CPSF2: variants seen among roughly 807,000 people sequenced by gnomAD.
CPSF2 encodes the protein cleavage and polyadenylation specificity factor subunit 2.
In CPSF2, 51 loss-of-function variants were observed where a neutral mutation model predicts 84.2. That is an observed-to-expected ratio of 0.61 (90% confidence interval 0.48 to 0.77). The LOEUF (loss-of-function observed/expected upper bound fraction) is 0.77, where lower values mean the gene tolerates loss of function less well. Among genes scored for constraint, CPSF2 ranks in the 30% least tolerant of loss-of-function variants. CPSF2 has a pLI of 0.00. For missense variants in CPSF2, 641 were observed against 929.4 expected, an observed-to-expected ratio of 0.69 and a Z score of 4.03; for synonymous variants, 286 against 311.9, an observed-to-expected ratio of 0.92 and a Z score of 0.87.
At position 92,155,157 on chromosome 14, in the gene CPSF2, G is replaced by C. The variant is rs754653520; in HGVS notation, c.1276G>C (p.Glu426Gln). 1 of 1,613,926 alleles carries C rather than the reference G, an allele frequency of 6.2e-7. No individual in the cohort carries two copies. Among genetic ancestry groups the C allele is most frequent in the Non-Finnish European group, 8.5e-7 (1 of 1,179,862 alleles). ...AGATTCCAGTGATGAGAGTGATATT[G>C]AGGAAGATATTGACCAGCCATCAGC... ...DIDSSDESDI[E>Q]EDIDQPSAHK... The change falls in exon 11 of 16, where the codon GAG becomes CAG. Residue 426 changes from glutamate to glutamine, a missense_variant. Physicochemically the swap from Glu to Gln is conservative, Grantham distance 29. This residue lies in a region of CPSF2 where 430 missense variants were observed against 553.6 expected (regional missense o/e 0.78). Transcript: ENST00000298875.
chr14:92,128,669 A>G (rs979812375), intron 2 of CPSF2, among the ~76,000 whole-genome samples: 6 of 152,188 alleles, frequency 3.9e-5, no homozygotes, highest in Non-Finnish European at 8.8e-5. Flanking sequence ...GGACCTGAGT[A>G]AAAACAGGAG....
At chr14:92,152,186 A>G (rs1455044521) in intron 9 of CPSF2, among the ~76,000 whole-genome samples, 7 of 151,980 alleles carry the variant, frequency 4.6e-5, no homozygotes, top group South Asian at 2.1e-4. Context: ...CTGGAGCGCA[A>G]TGGTGCCATC....
chr14:92,166,791 C>G lies in CPSF2; in HGVS notation c.*5047C>G, dbSNP rs888577657. The G allele has an allele frequency of 6.6e-6, 1 of 152,030 alleles. No individual in the cohort carries two copies. The highest frequency in any genetic ancestry group is 1.5e-5 in the Non-Finnish European group (1 of 68,022). 9.4% of individuals were successfully genotyped at this position (152,030 alleles called of 1,614,324 possible). Reference sequence around the variant, plus strand: ...GCCACCCCTGTTTAAAATCAGTTGCCCATGAGTGTATGGGTTTGTTCCTGG... The same window carrying G: ...GCCACCCCTGTTTAAAATCAGTTGCGCATGAGTGTATGGGTTTGTTCCTGG... On this transcript the variant is annotated 3_prime_UTR_variant, in exon 16 of 16. Coordinates refer to ENST00000298875, the MANE Select transcript of CPSF2 (RefSeq NM_017437.3).
chr14:92,152,046 C>T (rs2069226305), intron 9 of CPSF2, among the ~76,000 whole-genome samples: 1 of 149,212 alleles, frequency 6.7e-6, no homozygotes, highest in African/African-American at 2.5e-5. Context: ...TTCCCACTAT[C>T]TTTTTTTTGC....
chr14:92,161,816 T>C lies in CPSF2; in HGVS notation c.*72T>C, dbSNP rs2069377343. ...GGATTCTTATCTTACTCTGAGCTTT[T>C]GATGTTTTGTTTTGTAACATACAAA... is the stretch of plus-strand genomic sequence containing the variant. On this transcript the variant is annotated 3_prime_UTR_variant, in exon 16 of 16. Transcript: ENST00000298875. The C allele has an allele frequency of 2.3e-6, 2 of 855,514 alleles. No individual in the cohort carries two copies. Among genetic ancestry groups the C allele is most frequent in the East Asian group, 5.8e-5 (2 of 34,498 alleles). The allele number at this position is 855,514 out of a possible 1,614,324, so 53.0% of individuals were successfully genotyped here. A position where few individuals can be genotyped will look rare whatever the true frequency, so the allele number is the denominator to read the frequency against.
chr14:92,138,370 A>G lies in CPSF2; in HGVS notation c.661+23A>G. On this transcript the variant is annotated intron_variant, in intron 7 of 15. Coordinates refer to ENST00000298875, the MANE Select transcript of CPSF2 (RefSeq NM_017437.3). ...TGAGTACGTATTCTTTCACGTCCTT[A>G]TTATTATTATTATTTTGTAACTTTT... 3 of 1,031,024 alleles carry G rather than the reference A, an allele frequency of 2.9e-6. No individual in the cohort carries two copies. The Admixed American group carries it at 8.0e-5, about 27-fold the overall frequency. The allele number at this position is 1,031,024 out of a possible 1,614,324, so 63.9% of individuals were successfully genotyped here.
Position 92,135,365 on chromosome 14 carries a change from A to G in CPSF2, c.416-2A>G. 1 of 1,599,548 alleles carries G rather than the reference A, an allele frequency of 6.3e-7. No homozygotes were observed. Reference sequence around the variant, plus strand: ...CTGAGTATTGTTATCTTGTTGACATAGGTAAAGGACATGGCCTGTCTATCA... The same window carrying G: ...CTGAGTATTGTTATCTTGTTGACATGGGTAAAGGACATGGCCTGTCTATCA... On this transcript the variant is annotated splice_acceptor_variant, in intron 5 of 15. Transcript: ENST00000298875. LOFTEE classifies it high-confidence loss of function.
rs1257030629 is a variant in CPSF2, at chr14:92,167,887, T to A, written c.*6143T>A. ...GTAATTCAGTGATTGAGAGGTTAATTGCAGGTTTTTTTTTTTTTTTTTTCT... is the reference window on the plus strand; with the variant it reads ...GTAATTCAGTGATTGAGAGGTTAATAGCAGGTTTTTTTTTTTTTTTTTTCT... On this transcript the variant is annotated 3_prime_UTR_variant, in exon 16 of 16. Coordinates refer to ENST00000298875, the MANE Select transcript of CPSF2 (RefSeq NM_017437.3). The A allele has an allele frequency of 7.4e-6, 1 of 135,934 alleles. No individual in the cohort carries two copies. 8.4% of individuals were successfully genotyped at this position (135,934 alleles called of 1,614,324 possible).
At chr14:92,137,910 T>G (rs929453129) in intron 6 of CPSF2, among the ~76,000 whole-genome samples, 2 of 152,038 alleles carry the variant, frequency 1.3e-5, no homozygotes, top group Admixed American at 1.3e-4. Flanking sequence ...AAAATACATA[T>G]GTATATCAGT....
intron 9 of CPSF2, among the ~76,000 whole-genome samples, chr14:92,146,309 C>T (rs929847471): frequency 1.3e-5 from 2 of 152,150 alleles, no homozygotes; most frequent in African/African-American, 2.4e-5. Flanking sequence ...ATCACGAGGT[C>T]AGGAGTTCGA....
intron 3 of CPSF2, 76 bp from the exon 4 acceptor site, chr14:92,133,935 G>C: frequency 6.8e-7 from 1 of 1,466,324 alleles, no homozygotes; most frequent in Non-Finnish European, 9.4e-7. Context: ...ATCCAGAATT[G>C]GTGAATAATT....
intron 7 of CPSF2, among the ~76,000 whole-genome samples, chr14:92,140,204 G>T (rs894001484): frequency 2.0e-5 from 3 of 150,734 alleles, no homozygotes; most frequent in Non-Finnish European, 4.4e-5. Context: ...CGCCCACCTC[G>T]GCCTCCCAAA....
intron 9 of CPSF2, among the ~76,000 whole-genome samples, chr14:92,152,628 G>T: frequency 6.6e-6 from 1 of 151,246 alleles, no homozygotes; most frequent in East Asian, 1.9e-4. Flanking sequence ...TAGTAGAGAC[G>T]GGGTTTCACC....
At chr14:92,135,762 A>AT (rs1409597884) in intron 6 of CPSF2, among the ~76,000 whole-genome samples, 1 of 152,202 alleles carries the variant, frequency 6.6e-6, no homozygotes, top group African/African-American at 2.4e-5. Flanking sequence ...AAGGAGATGA[A>AT]TTTTTTACGT....
At chr14:92,152,991 CTT>C (rs139202280) in intron 9 of CPSF2, among the ~76,000 whole-genome samples, 1,843 of 148,590 alleles carry the variant, frequency 0.012, 41 homozygotes, top group African/African-American at 0.043. Flanking sequence ...TACGAATGTA[CTT>C]TTTTTTTACA....
At chr14:92,123,455 G>A (rs1272581325) in intron 1 of CPSF2, among the ~76,000 whole-genome samples, 3 of 152,078 alleles carry the variant, frequency 2.0e-5, no homozygotes, top group Non-Finnish European at 4.4e-5. Context: ...CTGGAGTGCA[G>A]TGGTGCCATC....
chr14:92,129,341 G>A (rs1355136003), intron 2 of CPSF2, among the ~76,000 whole-genome samples: 1 of 152,132 alleles, frequency 6.6e-6, no homozygotes, highest in Non-Finnish European at 1.5e-5. Context: ...AGAGGTAGGG[G>A]ATTAGGTCTT....
Position 92,135,313 on chromosome 14 carries a change from A to G in CPSF2, c.416-54A>G. On this transcript the variant is annotated intron_variant, in intron 5 of 15. Transcript: ENST00000298875. The stretch of plus-strand genomic sequence containing the variant: ...AAATATTATAGTTGAGAAATAAATA[A>G]CCTTTCTTTAGGGTTGTAAAAGAAA... 2.7e-6 allele frequency: 4 copies of G among 1,473,128 alleles called. No individual in the cohort carries two copies. The East Asian group carries it at 9.3e-5, about 34-fold the overall frequency. 91.3% of individuals were successfully genotyped at this position (1,473,128 alleles called of 1,614,324 possible).
intron 3 of CPSF2, 53 bp from the exon 4 acceptor site, chr14:92,133,958 T>C (rs761246940): frequency 1.9e-5 from 30 of 1,586,664 alleles, no homozygotes; most frequent in Non-Finnish European, 2.6e-5. Context: ...GAATATTCTG[T>C]CTTTACCCTT....
Sources: allele counts gnomAD v4.1 joint callset (sites outside exome capture counted in the v4.1 genomes callset), GRCh38; gene constraint gnomAD v4.1.1; regional missense constraint gnomAD v4.1.1; transcripts MANE v1.5; gene names NCBI Gene and HGNC (gene_info 2026-07-23, HGNC 2026-07-21).